EPHA7: variants seen among roughly 807,000 people sequenced by gnomAD.
EPHA7 encodes the protein ephrin type-A receptor 7.
EPHA7 carries 25 observed loss-of-function variants against 112.6 expected under a neutral mutation model. The ratio of observed to expected loss-of-function variants is 0.22; its 90% CI spans 0.16 to 0.31. The LOEUF is 0.31. Ranked by LOEUF, EPHA7 falls within the 10% of genes least tolerant of loss-of-function variation. The pLI, the probability that EPHA7 is intolerant of heterozygous loss-of-function variation, is 1.00. For synonymous variants in EPHA7, 437 were observed against 406.5 expected (o/e 1.07, Z -0.90); for missense variants, 962 against 1,212.6 (o/e 0.79, Z 3.07).
intron 3 of EPHA7, among the ~76,000 whole-genome samples, chr6:93,362,606 G>A (rs1776313382): frequency 6.6e-6 from 1 of 152,018 alleles, no homozygotes; most frequent in Non-Finnish European, 1.5e-5. Context: ...ATAATCCATA[G>A]TTGTCTTCAA....
chr6:93,260,390 T>C (rs1019367543), intron 9 of EPHA7: 13 of 356,876 alleles, frequency 3.6e-5, no homozygotes, highest in Admixed American at 6.5e-5. Context: ...ATTACAATAA[T>C]GTATTCCAAA....
intron 3 of EPHA7, among the ~76,000 whole-genome samples, chr6:93,382,821 G>A (rs1477075885): frequency 1.3e-5 from 2 of 152,102 alleles, no homozygotes. Flanking sequence ...TCCATGAAAA[G>A]GTCCCAACAT....
At chr6:93,302,909 A>G (rs1468941101) in intron 5 of EPHA7, among the ~76,000 whole-genome samples, 1 of 152,106 alleles carries the variant, frequency 6.6e-6, no homozygotes, top group Non-Finnish European at 1.5e-5. Flanking sequence ...TATGCCTTCC[A>G]AGCTCTAGCC....
At chr6:93,282,912 G>A (rs1771833080) in intron 5 of EPHA7, among the ~76,000 whole-genome samples, 1 of 152,146 alleles carries the variant, frequency 6.6e-6, no homozygotes. Context: ...TTCCTGCATG[G>A]CCAGAGCCTC....
At chr6:93,411,753 T>C (rs1010664099) in intron 2 of EPHA7, among the ~76,000 whole-genome samples, 17 of 152,124 alleles carry the variant, frequency 1.1e-4, no homozygotes, top group African/African-American at 3.9e-4. Context: ...TTTATTCCAG[T>C]GTTATATATA....
rs546619166 is a variant in EPHA7 at position 93,242,726 on chromosome 6, C to T, written c.*700G>A. The T allele has an allele frequency of 2.3e-5, 5 of 215,906 alleles. No homozygotes were observed. Among genetic ancestry groups the T allele is most frequent in the East Asian group, 2.1e-4 (3 of 14,390 alleles). The allele number at this position is 215,906 out of a possible 1,614,324, so 13.4% of individuals were successfully genotyped here. On this transcript the variant is annotated 3_prime_UTR_variant, in exon 17 of 17. Transcript: ENST00000369303. ...GTTGTCTGATCTTTACAAAAAAATT[C>T]TTTTTAAAAAATATCAGAGCTCTTG...
chr6:93,303,229 A>G (rs555710982), intron 5 of EPHA7, among the ~76,000 whole-genome samples: 21 of 152,252 alleles, frequency 1.4e-4, no homozygotes, highest in African/African-American at 3.9e-4. Flanking sequence ...TCCTCTGTCT[A>G]TTACACCAAA....
intron 5 of EPHA7, among the ~76,000 whole-genome samples, chr6:93,347,715 T>C (rs1241464222): frequency 6.6e-6 from 1 of 151,862 alleles, no homozygotes; most frequent in African/African-American, 2.4e-5. Flanking sequence ...GAAGCCTCTC[T>C]TTCTGGCTTG....
intron 14 of EPHA7, among the ~76,000 whole-genome samples, chr6:93,248,464 C>T (rs960834585): frequency 6.6e-6 from 1 of 152,006 alleles, no homozygotes; most frequent in Admixed American, 6.6e-5. Context: ...TAAGACCAAA[C>T]TCTCTCCTAA....
rs181455504 is a variant in EPHA7, at chr6:93,252,719, C to T, written c.2532+1928G>A. Reference sequence around the variant, plus strand: ...ATAAGAAGAATATGAATATCAATTTCACTGTACAAACTGACCTATCTAGGT... The same window carrying T: ...ATAAGAAGAATATGAATATCAATTTTACTGTACAAACTGACCTATCTAGGT... On this transcript the variant is annotated intron_variant, in intron 14 of 16. Transcript: ENST00000369303. 3.5e-3 allele frequency among the ~76,000 whole-genome samples: 537 copies of T among 151,978 alleles called. 1 individual carries two copies. Among genetic ancestry groups the T allele is most frequent in the African/African-American group, 0.012 (519 of 41,526 alleles).
Position 93,338,826 on chromosome 6 carries a change from G to A in EPHA7, c.1324+17891C>T, listed in dbSNP as rs141521587. Among the ~76,000 whole-genome samples, 423 of 151,178 alleles carry A rather than the reference G, an allele frequency of 2.8e-3. 5 individuals carry two copies. The highest frequency in any genetic ancestry group is 2.0e-3 in the Non-Finnish European group (135 of 67,666). On this transcript the variant is annotated intron_variant, in intron 5 of 16. Coordinates refer to ENST00000369303, the MANE Select transcript of EPHA7 (RefSeq NM_004440.4). ...ATAAATTGAGTGCAATGATGGAAGAGGTCCTGTAGTCTGATAGAGAAGAAA... is the reference window on the plus strand; with the variant it reads ...ATAAATTGAGTGCAATGATGGAAGAAGTCCTGTAGTCTGATAGAGAAGAAA...
chr6:93,304,248 C>G (rs946497426), intron 5 of EPHA7, among the ~76,000 whole-genome samples: 2 of 151,292 alleles, frequency 1.3e-5, no homozygotes, highest in African/African-American at 4.8e-5. Flanking sequence ...TGTACACTTG[C>G]TCAGATTTTG....
chr6:93,257,146 T>C (rs907971859), intron 12 of EPHA7, among the ~76,000 whole-genome samples: 2 of 152,118 alleles, frequency 1.3e-5, no homozygotes, highest in African/African-American at 4.8e-5. Flanking sequence ...TTCCATATTA[T>C]CTCTATATTT....
intron 5 of EPHA7, among the ~76,000 whole-genome samples, chr6:93,310,439 C>T (rs905132527): frequency 6.6e-6 from 1 of 152,066 alleles, no homozygotes; most frequent in East Asian, 1.9e-4. Context: ...GTCCAAGTTG[C>T]GTGGATGATG....
chr6:93,417,220 C>T (rs1008467880), intron 1 of EPHA7, among the ~76,000 whole-genome samples: 6 of 152,152 alleles, frequency 3.9e-5, no homozygotes, highest in Non-Finnish European at 5.9e-5. Context: ...GGTTTCTTAT[C>T]TTCCTCTAGC....
At chr6:93,363,254 T>C (rs1776343557) in intron 3 of EPHA7, among the ~76,000 whole-genome samples, 1 of 152,178 alleles carries the variant, frequency 6.6e-6, no homozygotes, top group Non-Finnish European at 1.5e-5. Flanking sequence ...TTTCTTGGAC[T>C]ATCAAAGTCT....
At position 93,411,084 on chromosome 6, in the gene EPHA7, G is replaced by A; in HGVS notation, c.249C>T (p.Asn83=). Residue 83 remains asparagine (N), a synonymous_variant, in exon 3 of 17, where the codon AAC becomes AAT. Coordinates refer to ENST00000369303, the MANE Select transcript of EPHA7 (RefSeq NM_004440.4). ...TGGAAATCCAGTTAGTCCGCAGCCA[G>A]TTGTTTTGGTTGGGCTCCATGACTT... ...VCQVMEPNQN[N]WLRTNWISKG... 2 of 1,613,760 alleles carry A rather than the reference G, an allele frequency of 1.2e-6. No individual in the cohort carries two copies. The highest frequency in any genetic ancestry group is 1.7e-6 in the Non-Finnish European group (2 of 1,179,920).
chr6:93,281,280 A>T (rs1771723866), intron 5 of EPHA7, among the ~76,000 whole-genome samples: 1 of 152,170 alleles, frequency 6.6e-6, no homozygotes, highest in African/African-American at 2.4e-5. Context: ...TATAAAATAT[A>T]TTGAGAAAGA....
intron 5 of EPHA7, among the ~76,000 whole-genome samples, chr6:93,300,735 GT>G (rs1480381726): frequency 6.6e-6 from 1 of 152,072 alleles, no homozygotes; most frequent in African/African-American, 2.4e-5. Context: ...TGTTTAATTT[GT>G]TTTTAAAAGT....
Sources: allele counts gnomAD v4.1 joint callset (sites outside exome capture counted in the v4.1 genomes callset), GRCh38; gene constraint gnomAD v4.1.1; transcripts MANE v1.5; gene names NCBI Gene and HGNC (gene_info 2026-07-23, HGNC 2026-07-21).